Variants in PCDHGA6 observed in about 807,000 individuals in gnomAD.
The protein encoded by PCDHGA6 is protocadherin gamma-A6.
PCDHGA6 carries 41 observed loss-of-function variants against 60.6 expected under a neutral mutation model. The observed-to-expected ratio is 0.68, with a 90% CI of 0.53 to 0.88. The LOEUF (loss-of-function observed/expected upper bound fraction) is 0.88, where lower values mean the gene tolerates loss of function less well. PCDHGA6 is among the 40% of genes least tolerant of loss of function. PCDHGA6 has a pLI of 0.00. For synonymous variants in PCDHGA6, 594 were observed against 524.4 expected (o/e 1.13, Z -1.81); for missense variants, 1,312 against 1,203.0 (o/e 1.09, Z -1.34).
chr5:141,431,790 C>T lies in PCDHGA6; in HGVS notation c.2424+55283C>T, dbSNP rs2097417829. On this transcript the variant is annotated intron_variant, in intron 1 of 3. Transcript: ENST00000517434. This position sits in a 1 kb window ranked among gnomAD's most constrained non-coding sequence, Gnocchi z 4.8. The stretch of plus-strand genomic sequence containing the variant: ...ACTGTTCTGGACGTGAACGACAATG[C>T]CCCAGAAGTGGTCCTCACCTCTCTC... 4.3e-6 allele frequency: 7 copies of T among 1,614,186 alleles called. No individual in the cohort carries two copies. The highest frequency in any genetic ancestry group is 5.9e-6 in the Non-Finnish European group (7 of 1,180,016).
chr5:141,426,848 C>T (rs1379697529), intron 1 of PCDHGA6: 3 of 456,552 alleles, frequency 6.6e-6, no homozygotes, highest in Admixed American at 4.7e-5. Context: ...AAGGCAAGAA[C>T]GCTCCAGAAT....
At chr5:141,410,084 A>G in intron 1 of PCDHGA6, 3 of 1,612,532 alleles carry the variant, frequency 1.9e-6, no homozygotes, top group Non-Finnish European at 2.5e-6. Context: ...GGAGGTGCGC[A>G]CGGCTCGAGC....
intron 3 of PCDHGA6, among the ~76,000 whole-genome samples, chr5:141,509,265 C>G (rs1296179995): frequency 1.3e-5 from 2 of 152,138 alleles, no homozygotes; most frequent in African/African-American, 4.8e-5. Flanking sequence ...TTTAGTCACT[C>G]TCGCTACCCG....
chr5:141,395,305 A>G, intron 1 of PCDHGA6: 1 of 1,514,986 alleles, frequency 6.6e-7, no homozygotes. Flanking sequence ...TATGTTTTGA[A>G]AAACATTGTG....
intron 1 of PCDHGA6, chr5:141,398,925 C>G (rs766149685): frequency 1.1e-5 from 17 of 1,613,966 alleles, no homozygotes; most frequent in Non-Finnish European, 1.4e-5. Flanking sequence ...AAGTGTCAGC[C>G]ACTGACCAAG....
At position 141,379,889 on chromosome 5, in the gene PCDHGA6, C is replaced by CTTTTTTTTTTTTTTTTTT. The variant is rs70988800; in HGVS notation, c.2424+3395_2424+3412dup. On this transcript the variant is annotated intron_variant, in intron 1 of 3. Coordinates refer to ENST00000517434, the MANE Select transcript of PCDHGA6 (RefSeq NM_018919.3). ...CTTATTTTATGGTCTGTGAAAGCCT[C>CTTTTTTTTTTTTTTTTTT]TTTTTTTTTTTTTTTTTTTTTTTTT... is the stretch of plus-strand genomic sequence containing the variant. Among the ~76,000 whole-genome samples the CTTTTTTTTTTTTTTTTTT allele has an allele frequency of 4.1e-3, 211 of 50,852 alleles. 27 individuals are homozygous for CTTTTTTTTTTTTTTTTTT. The highest frequency in any genetic ancestry group is 6.1e-3 in the Non-Finnish European group (157 of 25,898). 33.4% of individuals were successfully genotyped at this position (50,852 alleles called of 152,430 possible). A position where few individuals can be genotyped will look rare whatever the true frequency, so the allele number is the denominator to read the frequency against.
At chr5:141,463,301 A>G (rs1277348576) in intron 1 of PCDHGA6, among the ~76,000 whole-genome samples, 2 of 151,638 alleles carry the variant, frequency 1.3e-5, no homozygotes, top group South Asian at 2.1e-4. Flanking sequence ...AATCTCCCCA[A>G]ACTCTAATAT....
Position 141,491,992 on chromosome 5 carries a change from T to G in PCDHGA6, c.2425-2815T>G. ...GGCCTCCTTCGAGCTTCCGGTGAAT[T>G]TCGGGCGATTTCCGCGGGTGTCGGG... On this transcript the variant is annotated intron_variant, in intron 1 of 3. Transcript: ENST00000517434. This position sits in a 1 kb window ranked among gnomAD's most constrained non-coding sequence, Gnocchi z 6.9. The G allele has an allele frequency of 1.5e-6, 1 of 684,982 alleles. No homozygotes were observed. The highest frequency in any genetic ancestry group is 2.3e-6 in the Non-Finnish European group (1 of 443,370). The allele number at this position is 684,982 out of a possible 1,614,324, so 42.4% of individuals were successfully genotyped here.
intron 1 of PCDHGA6, chr5:141,409,789 G>C (rs1390138666): frequency 1.2e-6 from 2 of 1,611,918 alleles, no homozygotes; most frequent in African/African-American, 2.7e-5. Context: ...GCGCCTTCGC[G>C]CTCACGCTGC....
In PCDHGA6 at chr5:141,493,668, GC is replaced by G. The variant is rs1178535601; in HGVS notation, c.2425-1135del. On this transcript the variant is annotated intron_variant, in intron 1 of 3. Coordinates refer to ENST00000517434, the MANE Select transcript of PCDHGA6 (RefSeq NM_018919.3). This position sits in a 1 kb window ranked among gnomAD's most constrained non-coding sequence, Gnocchi z 4.3. ...CATCCCTGTGCCCTTCTCCATGGCAGCCCCAGAATGGTGCTGGTGACTCCCG... is the reference window on the plus strand; with the variant it reads ...CATCCCTGTGCCCTTCTCCATGGCAGCCCAGAATGGTGCTGGTGACTCCCG... Among the ~76,000 whole-genome samples the G allele has an allele frequency of 6.6e-6, 1 of 152,140 alleles. No individual in the cohort carries two copies. The highest frequency in any genetic ancestry group is 2.4e-5 in the African/African-American group (1 of 41,422).
intron 1 of PCDHGA6, among the ~76,000 whole-genome samples, chr5:141,457,046 T>A (rs2098905373): frequency 6.6e-6 from 1 of 152,198 alleles, no homozygotes; most frequent in South Asian, 2.1e-4. Flanking sequence ...ATAGTAAAAC[T>A]TTCATGCTTC....
chr5:141,412,108 G>A (rs897331971), intron 1 of PCDHGA6: 2 of 152,198 alleles, frequency 1.3e-5, no homozygotes, highest in Admixed American at 6.5e-5. Flanking sequence ...CACAGTTGAA[G>A]ATATGTGAAC....
intron 1 of PCDHGA6, chr5:141,388,664 G>A: frequency 1.2e-6 from 2 of 1,613,908 alleles, no homozygotes; most frequent in South Asian, 2.2e-5. Context: ...CGGGGACCAC[G>A]GTGCTACAGG....
intron 1 of PCDHGA6, among the ~76,000 whole-genome samples, chr5:141,446,315 G>A (rs556077331): frequency 6.6e-6 from 1 of 152,188 alleles, no homozygotes; most frequent in East Asian, 1.9e-4. Context: ...TGATTCCTGG[G>A]TTTCCACATT....
chr5:141,432,335 C>T lies in PCDHGA6; in HGVS notation c.2424+55828C>T, dbSNP rs146691720. On this transcript the variant is annotated intron_variant, in intron 1 of 3. Coordinates refer to ENST00000517434, the MANE Select transcript of PCDHGA6 (RefSeq NM_018919.3). This position sits in a 1 kb window ranked among gnomAD's most constrained non-coding sequence, Gnocchi z 6.0. ...GAGCTCCTTCGACTACGAGCAGTTC[C>T]GAGACTTGCAAGTGAAAGTGATGGC... 2.6e-5 allele frequency: 42 copies of T among 1,614,126 alleles called. No individual in the cohort carries two copies. Among genetic ancestry groups the T allele is most frequent in the African/African-American group, 1.2e-4 (9 of 74,940 alleles).
chr5:141,374,607 AT>A lies in PCDHGA6; in HGVS notation c.525del (p.Asn175LysfsTer56). On this transcript the variant is annotated frameshift_variant, in exon 1 of 4. Coordinates refer to ENST00000517434, the MANE Select transcript of PCDHGA6 (RefSeq NM_018919.3). LOFTEE classifies it high-confidence loss of function. ...CTTCAGGGATTTAAGCTCAGTGGTA[AT>A]AGTCACTTCTCAGTGGACGTGCAAA... is the stretch of plus-strand genomic sequence containing the variant. ...NSLQGFKLSGNSHFSVDVQSE... is the reference protein window; with the variant it reads ...NSLQGFKLSGXSHFSVDVQSE... The A allele has an allele frequency of 3.1e-6, 5 of 1,613,660 alleles. No individual in the cohort carries two copies. The highest frequency in any genetic ancestry group is 4.2e-6 in the Non-Finnish European group (5 of 1,179,752).
Position 141,374,168 on chromosome 5 carries a change from G to A in PCDHGA6, c.85G>A (p.Ala29Thr). Reference sequence around the variant, plus strand: ...GGGGACGCTGTGGGGGGCCGCGGCAGCGCAGATCCGCTACTCTATTCCCGA... The same window carrying A: ...GGGGACGCTGTGGGGGGCCGCGGCAACGCAGATCCGCTACTCTATTCCCGA... The part of the protein sequence containing the change: ...LLGTLWGAAA[A>T]QIRYSIPEEL... Residue 29 changes from alanine to threonine, a missense_variant, in exon 1 of 4, where the codon GCG becomes ACG. Coordinates refer to ENST00000517434, the MANE Select transcript of PCDHGA6 (RefSeq NM_018919.3). 1 of 1,613,320 alleles carries A rather than the reference G, an allele frequency of 6.2e-7. No homozygotes were observed. Among genetic ancestry groups the A allele is most frequent in the Non-Finnish European group, 8.5e-7 (1 of 1,179,670 alleles).
At chr5:141,422,279 C>T (rs1344316011) in intron 1 of PCDHGA6, 1 of 1,557,956 alleles carries the variant, frequency 6.4e-7, no homozygotes, top group Non-Finnish European at 8.6e-7. Context: ...ATAACTATCA[C>T]CTCTTCTATT....
At chr5:141,390,475 A>G (rs1355918266) in intron 1 of PCDHGA6, 1 of 686,634 alleles carries the variant, frequency 1.5e-6, no homozygotes, top group Admixed American at 3.0e-5. Context: ...TGTGTGGCCC[A>G]ACATTTGTTT....
Sources: allele counts gnomAD v4.1 joint callset (sites outside exome capture counted in the v4.1 genomes callset), GRCh38; gene constraint gnomAD v4.1.1; non-coding constraint Gnocchi (gnomAD v3.1); transcripts MANE v1.5; gene names NCBI Gene and HGNC (gene_info 2026-07-23, HGNC 2026-07-21).